The following VMP1 variants were observed in gnomAD, a reference collection of about 807,000 sequenced individuals.
VMP1 encodes the protein vacuole membrane protein 1.
A neutral mutation model predicts 56.0 loss-of-function variants in VMP1; 11 were observed. The observed-to-expected ratio is 0.20, with a 90% confidence interval of 0.12 to 0.32. The LOEUF (loss-of-function observed/expected upper bound fraction) is 0.32. VMP1 is among the 10% of genes least tolerant of loss of function. The pLI is 1.00. For synonymous variants in VMP1, 149 were observed against 165.0 expected (o/e 0.90, Z 0.74); for missense variants, 296 against 490.3 (o/e 0.60, Z 3.74).
In VMP1 at chr17:59,793,209, G is replaced by A. The variant is rs996985046; in HGVS notation, c.715-15587G>A. On this transcript the variant is annotated intron_variant, in intron 7 of 11. Coordinates refer to ENST00000262291, the MANE Select transcript of VMP1 (RefSeq NM_030938.5). Reference sequence around the variant, plus strand: ...CTAATTTTTTTTTTAGTAGAGATGGGGTTTCTCCATGTTGGCCAGGCTGGT... The same window carrying A: ...CTAATTTTTTTTTTAGTAGAGATGGAGTTTCTCCATGTTGGCCAGGCTGGT... Among the ~76,000 whole-genome samples the A allele has an allele frequency of 3.6e-5, 4 of 111,864 alleles. 1 individual carries two copies. Among genetic ancestry groups the A allele is most frequent in the African/African-American group, 1.1e-4 (4 of 37,906 alleles). The allele number at this position is 111,864 out of a possible 152,430, so 73.4% of individuals were successfully genotyped here.
chr17:59,809,889 G>A (rs1263350575), intron 8 of VMP1, among the ~76,000 whole-genome samples: 1 of 152,060 alleles, frequency 6.6e-6, no homozygotes, highest in Non-Finnish European at 1.5e-5. Flanking sequence ...ATCATGTAGT[G>A]ATGACTTCAG....
At chr17:59,756,901 A>T (rs1168630426) in intron 5 of VMP1, among the ~76,000 whole-genome samples, 1 of 152,190 alleles carries the variant, frequency 6.6e-6, no homozygotes, top group Non-Finnish European at 1.5e-5. Flanking sequence ...TGAAACATAG[A>T]CATGAGTATA....
intron 6 of VMP1, among the ~76,000 whole-genome samples, chr17:59,766,936 C>G (rs1400953966): frequency 6.6e-6 from 1 of 152,158 alleles, no homozygotes; most frequent in Non-Finnish European, 1.5e-5. Context: ...CCCGCCACCA[C>G]GCTCGGCTGA....
chr17:59,731,275 T>A (rs1254627519), intron 1 of VMP1, 146 bp from the exon 2 acceptor site: 1 of 403,400 alleles, frequency 2.5e-6, no homozygotes, highest in Admixed American at 4.7e-5. Flanking sequence ...GTTCAAATTT[T>A]GGTTATAAAA....
chr17:59,718,184 CTTTTTTTTTTTTTTT>C (rs971095445), intron 1 of VMP1, among the ~76,000 whole-genome samples: 5 of 79,252 alleles, frequency 6.3e-5, no homozygotes, highest in African/African-American at 1.8e-4. Flanking sequence ...TCCCTCCCTC[CTTTTTTTTTTTTTTT>C]TTTTTTTTTT....
At chr17:59,799,660 A>G (rs2037567170) in intron 7 of VMP1, among the ~76,000 whole-genome samples, 1 of 152,156 alleles carries the variant, frequency 6.6e-6, no homozygotes, top group Non-Finnish European at 1.5e-5. Context: ...ATAATGTGTG[A>G]CTTAAAAATA....
At chr17:59,748,361 A>G (rs909687071) in intron 5 of VMP1, among the ~76,000 whole-genome samples, 1 of 152,158 alleles carries the variant, frequency 6.6e-6, no homozygotes, top group Admixed American at 6.6e-5. Flanking sequence ...ATTGAAACCG[A>G]TTTTGTTAAA....
chr17:59,796,175 C>G (rs978553360), intron 7 of VMP1, among the ~76,000 whole-genome samples: 1 of 152,104 alleles, frequency 6.6e-6, no homozygotes, highest in Admixed American at 6.6e-5. Context: ...GGAAAAAACT[C>G]GCCAGAACTC....
intron 7 of VMP1, among the ~76,000 whole-genome samples, chr17:59,797,568 T>A (rs1156644371): frequency 6.6e-6 from 1 of 152,132 alleles, no homozygotes; most frequent in African/African-American, 2.4e-5. Flanking sequence ...GAGGACATAC[T>A]GTATAATTCC....
intron 10 of VMP1, among the ~76,000 whole-genome samples, chr17:59,836,237 A>T (rs888390165): frequency 2.0e-5 from 3 of 150,146 alleles, no homozygotes; most frequent in Admixed American, 6.6e-5. Flanking sequence ...TTATTTATTT[A>T]TTTATTTTTT....
chr17:59,721,109 G>A (rs1019913665), intron 1 of VMP1, among the ~76,000 whole-genome samples: 9 of 152,182 alleles, frequency 5.9e-5, no homozygotes, highest in African/African-American at 2.2e-4. Context: ...ACTTTGGGAG[G>A]CCAAGGTGGG....
chr17:59,804,768 G>T (rs933255614), intron 7 of VMP1, among the ~76,000 whole-genome samples: 1 of 151,616 alleles, frequency 6.6e-6, no homozygotes, highest in Non-Finnish European at 1.5e-5. Flanking sequence ...CATTACACTG[G>T]CAAGGAAAAA....
intron 10 of VMP1, among the ~76,000 whole-genome samples, chr17:59,836,791 G>A (rs2144348088): frequency 6.6e-6 from 1 of 151,336 alleles, no homozygotes; most frequent in African/African-American, 2.4e-5. Context: ...AGATAAAAAG[G>A]ATTAAAGAAA....
In VMP1 at chr17:59,731,495, A is replaced by G. The variant is rs757107621; in HGVS notation, c.49A>G (p.Lys17Glu). Residue 17 changes from lysine to glutamate, a missense_variant, in exon 2 of 12, where the codon AAG (lysine) becomes GAG (glutamate). This residue lies in a region of VMP1 where 69 missense variants were observed against 76.6 expected (regional missense o/e 0.90). Coordinates refer to ENST00000262291, the MANE Select transcript of VMP1 (RefSeq NM_030938.5). ...TGACCAGAGACGTGTAGCAATGAAC[A>G]AGGAACATCATAATGGAAATTTCAC... ...NCDQRRVAMN[K>E]EHHNGNFTDP... The G allele has an allele frequency of 1.9e-6, 3 of 1,591,352 alleles. No individual in the cohort carries two copies. Among genetic ancestry groups the G allele is most frequent in the Non-Finnish European group, 2.6e-6 (3 of 1,171,890 alleles).
At chr17:59,757,241 A>C (rs9303416) in intron 5 of VMP1, among the ~76,000 whole-genome samples, 407 of 26,042 alleles carry the variant, frequency 0.016, 4 homozygotes, top group African/African-American at 0.067. Context: ...TAGGATGGAG[A>C]TAGATAGATA....
chr17:59,741,422 CA>C (rs1337486642), intron 5 of VMP1, among the ~76,000 whole-genome samples: 1 of 151,742 alleles, frequency 6.6e-6, no homozygotes, highest in African/African-American at 2.4e-5. Context: ...AGAAGTCAAG[CA>C]AAATGAAGAC....
rs1483430460 is a variant in VMP1 at position 59,817,623 on chromosome 17, T to C, written c.913-89T>C. ...AAAAATTGCAATTAGGGGCACAATC[T>C]TACCTCTTTAGACTATTACCAGAAT... On this transcript the variant is annotated intron_variant, in intron 9 of 11. Transcript: ENST00000262291. 4 of 921,488 alleles carry C rather than the reference T, an allele frequency of 4.3e-6. No homozygotes were observed. In the African/African-American group the frequency reaches 6.8e-5, roughly 16 times the overall value. 57.1% of individuals were successfully genotyped at this position (921,488 alleles called of 1,614,324 possible).
chr17:59,801,092 AT>A (rs796383628), intron 7 of VMP1, among the ~76,000 whole-genome samples: 7,119 of 65,722 alleles, frequency 0.11, 410 homozygotes, highest in African/African-American at 0.13. Context: ...AAAAAAAAAA[AT>A]ATATATATAT....
In VMP1 at chr17:59,840,717, CACT is replaced by C. The variant is rs1359024682; in HGVS notation, c.*809_*811del. 6.6e-6 allele frequency: 1 copy of C among 152,288 alleles called. No homozygotes were observed. Among genetic ancestry groups the C allele is most frequent in the Non-Finnish European group, 1.5e-5 (1 of 68,040 alleles). The allele number at this position is 152,288 out of a possible 1,614,324, so 9.4% of individuals were successfully genotyped here. A position where few individuals can be genotyped will look rare whatever the true frequency, so the allele number is the denominator to read the frequency against. On this transcript the variant is annotated 3_prime_UTR_variant, in exon 12 of 12. Coordinates refer to ENST00000262291, the MANE Select transcript of VMP1 (RefSeq NM_030938.5). Reference sequence around the variant, plus strand: ...CTTTCTTTTATTTGCATGAGAGAGCCACTACCAAGGCATGTTTTGTTATGCTGA... The same window carrying C: ...CTTTCTTTTATTTGCATGAGAGAGCCACCAAGGCATGTTTTGTTATGCTGA...
Sources: allele counts gnomAD v4.1 joint callset (sites outside exome capture counted in the v4.1 genomes callset), GRCh38; gene constraint gnomAD v4.1.1; regional missense constraint gnomAD v4.1.1; transcripts MANE v1.5; gene names NCBI Gene and HGNC (gene_info 2026-07-23, HGNC 2026-07-21).